PFKFB1: variants seen among roughly 807,000 people sequenced by gnomAD.
PFKFB1 encodes 6-phosphofructo-2-kinase/fructose-2,6-bisphosphatase 1.
Under a neutral mutation model 46.4 loss-of-function variants are expected in PFKFB1, and 34 were observed. The observed-to-expected ratio is 0.73, with a 90% CI of 0.56 to 0.98. The LOEUF is 0.98. Among genes scored for constraint, PFKFB1 ranks in the 50% least tolerant of loss-of-function variants. PFKFB1 has a pLI of 0.00. For missense variants in PFKFB1, 393 were observed against 376.3 expected (o/e 1.04, Z -0.37); for synonymous variants, 119 against 133.8 (o/e 0.89, Z 0.76).
chrX:54,948,893 T>C (rs1194822036), intron 9 of PFKFB1, among the ~76,000 whole-genome samples, 182 bp downstream of exon 9: 2 of 112,324 alleles, frequency 1.8e-5, no homozygotes, highest in African/African-American at 6.5e-5. Flanking sequence ...GCAGAGACTT[T>C]GTCTATTCTG....
At chrX:54,936,559 GTCTCC>G (rs898575565) in intron 11 of PFKFB1, among the ~76,000 whole-genome samples, 1 of 111,405 alleles carries the variant, frequency 9.0e-6, no homozygotes, top group Non-Finnish European at 1.9e-5. Context: ...ACCTTTCTGG[GTCTCC>G]CATTTCCTCA....
At chrX:54,970,394 A>T (rs930434174) in intron 1 of PFKFB1, among the ~76,000 whole-genome samples, 1 of 107,259 alleles carries the variant, frequency 9.3e-6, no homozygotes, top group Non-Finnish European at 1.9e-5. Flanking sequence ...TGTGCAGGTT[A>T]GTTACATATG....
chrX:54,953,849 T>C (rs1934056711), intron 7 of PFKFB1, among the ~76,000 whole-genome samples: 1 of 111,979 alleles, frequency 8.9e-6, no homozygotes, highest in African/African-American at 3.2e-5. Context: ...TCTTGGAATA[T>C]TTTCTGTATT....
intron 10 of PFKFB1, among the ~76,000 whole-genome samples, chrX:54,941,884 C>A (rs1933650104): frequency 8.9e-6 from 1 of 112,028 alleles, no homozygotes. Context: ...CCAGCTATCC[C>A]ATTACTGGGT....
chrX:54,939,519 G>T (rs948770983), intron 10 of PFKFB1, among the ~76,000 whole-genome samples: 48 of 111,578 alleles, frequency 4.3e-4, no homozygotes, highest in African/African-American at 1.5e-3. Context: ...GAAGAAAAGA[G>T]ATAAGAATCA....
chrX:54,977,357 G>A (rs2040231715), intron 1 of PFKFB1, among the ~76,000 whole-genome samples: 1 of 110,399 alleles, frequency 9.1e-6, no homozygotes, highest in African/African-American at 3.3e-5. Context: ...TCTCCCAGGG[G>A]TATGAGTTAA....
Position 54,994,020 on chromosome X carries a change from A to G in PFKFB1, c.-13T>C. ...TCTCTGGAGACATCTTAGGAGTCGC[A>G]CCGAATGACATCACTGCCCACAAGG... On this transcript the variant is annotated 5_prime_UTR_variant, in exon 1 of 14. Coordinates refer to ENST00000375006, the MANE Select transcript of PFKFB1 (RefSeq NM_002625.4). 8.4e-7 allele frequency: 1 copy of G among 1,193,303 alleles called. No individual in the cohort carries two copies. Among genetic ancestry groups the G allele is most frequent in the Non-Finnish European group, 1.1e-6 (1 of 885,638 alleles).
intron 8 of PFKFB1, among the ~76,000 whole-genome samples, chrX:54,949,527 C>A (rs997536523): frequency 9.0e-6 from 1 of 111,479 alleles, no homozygotes; most frequent in Non-Finnish European, 1.9e-5. Context: ...CCACCTCTAA[C>A]ATTTGTGGAG....
chrX:54,941,345 T>C (rs1299235945), intron 10 of PFKFB1, among the ~76,000 whole-genome samples: 2 of 111,713 alleles, frequency 1.8e-5, no homozygotes, highest in African/African-American at 6.5e-5. Flanking sequence ...GGACTTCATG[T>C]CTAAAACACC....
In PFKFB1 at chrX:54,993,934, C is replaced by T. The variant is rs1326010893; in HGVS notation, c.74G>A (p.Ser25Asn). The change falls in exon 1 of 14, where the codon AGC becomes AAC. Residue 25 changes from serine (S) to asparagine (N), a missense_variant. Ser to Asn is a conservative substitution (Grantham distance 46). Transcript: ENST00000375006. Reference protein sequence around the residue: ...KIWIPHSSGSSRLQRRRGSSI... With the variant: ...KIWIPHSSGSNRLQRRRGSSI... ...ACAGCCCCTTCTCCGTTGCAGCCTG[C>T]TGCTGCCGCTGCTGTGTGGAATCCA... The T allele has an allele frequency of 8.3e-7, 1 of 1,205,767 alleles. No individual in the cohort carries two copies. The highest frequency in any genetic ancestry group is 1.1e-6 in the Non-Finnish European group (1 of 892,521).
At position 54,963,356 on chromosome X, in the gene PFKFB1, G is replaced by A; in HGVS notation, c.124C>T (p.Pro42Ser). Residue 42 changes from proline to serine, a missense_variant, in exon 2 of 14, where the codon CCC becomes TCC. Pro to Ser is a moderately conservative substitution (Grantham distance 74, BLOSUM62 -1). Transcript: ENST00000375006. ...AAACCCACCATGATCACCATTGTGG[G>A]GGAATTGGTAAACTGGGGTATGGAT... ...GSSIPQFTNS[P>S]TMVIMVGLPA... 8.3e-7 allele frequency: 1 copy of A among 1,209,879 alleles called. No homozygotes were observed. Among genetic ancestry groups the A allele is most frequent in the Non-Finnish European group, 1.1e-6 (1 of 893,908 alleles).
At chrX:54,980,515 C>T (rs905794162) in intron 1 of PFKFB1, among the ~76,000 whole-genome samples, 1 of 110,637 alleles carries the variant, frequency 9.0e-6, no homozygotes, top group Non-Finnish European at 1.9e-5. Context: ...GAGAGCCTGA[C>T]TAAAGTGTGG....
rs1410385316 is a variant in PFKFB1, at chrX:54,959,995, A to C, written c.318-102T>G. ...TTCTGTACCATCTCTCATGTCTTAG[A>C]CTAACTTATCATGTATTGAACATCT... On this transcript the variant is annotated intron_variant, in intron 3 of 13. Coordinates refer to ENST00000375006, the MANE Select transcript of PFKFB1 (RefSeq NM_002625.4). The C allele has an allele frequency of 1.3e-5, 8 of 594,148 alleles. No homozygotes were observed. The Admixed American group carries it at 2.2e-4, about 16-fold the overall frequency. The allele number at this position is 594,148 out of a possible 1,213,427, so 49.0% of individuals were successfully genotyped here.
chrX:54,972,192 T>A (rs1339178184), intron 1 of PFKFB1, among the ~76,000 whole-genome samples: 1 of 111,795 alleles, frequency 8.9e-6, no homozygotes, highest in Non-Finnish European at 1.9e-5. Flanking sequence ...TGATTTTGTA[T>A]CCTGACACTT....
intron 1 of PFKFB1, among the ~76,000 whole-genome samples, chrX:54,977,304 A>G (rs1723705309): frequency 9.0e-6 from 1 of 111,203 alleles, no homozygotes. Flanking sequence ...AATGACAGAA[A>G]GTAATTGTGT....
At chrX:54,953,430 G>T (rs1360514409) in intron 7 of PFKFB1, among the ~76,000 whole-genome samples, 1 of 111,822 alleles carries the variant, frequency 8.9e-6, no homozygotes, top group Non-Finnish European at 1.9e-5. Flanking sequence ...TGTGCATCTG[G>T]CAGGGAGTGG....
At chrX:54,988,099 A>G (rs1490399751) in intron 1 of PFKFB1, among the ~76,000 whole-genome samples, 2 of 111,761 alleles carry the variant, frequency 1.8e-5, no homozygotes, top group African/African-American at 6.5e-5. Context: ...ATCCCAAGGA[A>G]TGCACTAAAA....
chrX:54,977,372 T>A (rs1460555743), intron 1 of PFKFB1, among the ~76,000 whole-genome samples: 1 of 110,175 alleles, frequency 9.1e-6, no homozygotes. Flanking sequence ...AGTTAACAAT[T>A]CTGAAACTAC....
rs1340001258 is a variant in PFKFB1, at chrX:54,994,027, G to A, written c.-20C>T. The A allele has an allele frequency of 8.4e-7, 1 of 1,188,429 alleles. No individual in the cohort carries two copies. Among genetic ancestry groups the A allele is most frequent in the East Asian group, 3.0e-5 (1 of 32,985 alleles). On this transcript the variant is annotated 5_prime_UTR_variant, in exon 1 of 14. Transcript: ENST00000375006. ...AGACATCTTAGGAGTCGCACCGAAT[G>A]ACATCACTGCCCACAAGGTACCTGG...
Sources: gnomAD v4.1 joint callset for allele counts (sites outside exome capture counted in the v4.1 genomes callset) on GRCh38, gnomAD v4.1.1 for gene constraint, MANE v1.5 for transcripts, NCBI Gene and HGNC (gene_info 2026-07-23, HGNC 2026-07-21) for gene names.